Variants in PRKN observed in about 807,000 individuals in gnomAD.
PRKN encodes the protein E3 ubiquitin-protein ligase parkin.
In PRKN, 56 loss-of-function variants were observed where a neutral mutation model predicts 59.5. The observed-to-expected ratio is 0.94, with a 90% CI of 0.76 to 1.18. PRKN has a LOEUF of 1.18. Among genes scored for constraint, PRKN ranks in the 50% most tolerant of loss-of-function variants. PRKN has a pLI of 0.00. For synonymous variants in PRKN, 250 were observed against 222.1 expected (o/e 1.13, Z -1.12); for missense variants, 657 against 596.4 (o/e 1.10, Z -1.06).
At chr6:161,620,655 C>T (rs1782862815) in intron 7 of PRKN, among the ~76,000 whole-genome samples, 1 of 152,194 alleles carries the variant, frequency 6.6e-6, no homozygotes, top group African/African-American at 2.4e-5. Context: ...TACCTCTCAA[C>T]TTTAAGACTC....
At chr6:162,292,298 G>A (rs538779930) in intron 2 of PRKN, among the ~76,000 whole-genome samples, 37 of 152,188 alleles carry the variant, frequency 2.4e-4, no homozygotes, top group African/African-American at 8.7e-4. Flanking sequence ...GCACTGATCC[G>A]TCTTTCAAAG....
intron 3 of PRKN, among the ~76,000 whole-genome samples, chr6:162,230,728 T>C (rs1215601127): frequency 6.6e-6 from 1 of 152,206 alleles, no homozygotes; most frequent in South Asian, 2.1e-4. Flanking sequence ...TTTGCTGTCA[T>C]GCCAATGAAT....
intron 3 of PRKN, among the ~76,000 whole-genome samples, chr6:162,209,604 G>A (rs923887390): frequency 3.9e-5 from 6 of 152,074 alleles, no homozygotes; most frequent in African/African-American, 1.2e-4. Context: ...CCATTACTGG[G>A]TATATACACC....
Position 162,300,043 on chromosome 6 carries a change from T to C in PRKN, c.172-37278A>G, listed in dbSNP as rs538354833. On this transcript the variant is annotated intron_variant, in intron 2 of 11. Transcript: ENST00000366898. Reference sequence around the variant, plus strand: ...TTTTTTAATAATACAGAAATTTTCATACAAAAATGTACTGAACACGTGTAG... The same window carrying C: ...TTTTTTAATAATACAGAAATTTTCACACAAAAATGTACTGAACACGTGTAG... Among the ~76,000 whole-genome samples the C allele has an allele frequency of 7.9e-5, 12 of 152,134 alleles. 1 individual carries two copies. The highest frequency in any genetic ancestry group is 2.9e-4 in the African/African-American group (12 of 41,434).
At chr6:161,803,872 C>T (rs1791197343) in intron 6 of PRKN, among the ~76,000 whole-genome samples, 1 of 152,184 alleles carries the variant, frequency 6.6e-6, no homozygotes. Context: ...AAGTCCGAAC[C>T]CCCACCAAAG....
chr6:161,638,902 T>C (rs1408621483), intron 7 of PRKN, among the ~76,000 whole-genome samples: 2 of 151,826 alleles, frequency 1.3e-5, no homozygotes, highest in Non-Finnish European at 2.9e-5. Context: ...CCACCATACC[T>C]AGCTAATTTC....
chr6:162,057,863 T>C (rs2128286638), intron 4 of PRKN, among the ~76,000 whole-genome samples: 1 of 152,322 alleles, frequency 6.6e-6, no homozygotes, highest in Non-Finnish European at 1.5e-5. Context: ...ATACTAATAG[T>C]GTGAGTAGTG....
intron 1 of PRKN, among the ~76,000 whole-genome samples, chr6:162,466,153 T>C (rs1020483548): frequency 6.6e-5 from 10 of 152,198 alleles, no homozygotes; most frequent in Admixed American, 1.3e-4. Context: ...ACTACCTTTT[T>C]TGATGATGTG....
intron 5 of PRKN, among the ~76,000 whole-genome samples, chr6:161,989,800 C>CTT (rs1191465050): frequency 6.6e-6 from 1 of 152,122 alleles, no homozygotes; most frequent in Non-Finnish European, 1.5e-5. Flanking sequence ...TGCCCACATA[C>CTT]TTTGACTGTG....
rs78976042 is a variant in PRKN, at chr6:161,465,918, C to T, written c.1084-79041G>A. Among the ~76,000 whole-genome samples, 509 of 152,040 alleles carry T rather than the reference C, an allele frequency of 3.3e-3. 8 individuals carry two copies. In the East Asian group the frequency reaches 0.035, roughly 10 times the overall value. On this transcript the variant is annotated intron_variant, in intron 9 of 11. Transcript: ENST00000366898. ...ATTACTTTTTTTCACTTTGTGTTTC[C>T]TTTCTCTCCAGCTTTATTAGGTATA...
At chr6:162,290,285 T>C (rs1269956335) in intron 2 of PRKN, among the ~76,000 whole-genome samples, 1 of 152,186 alleles carries the variant, frequency 6.6e-6, no homozygotes, top group Non-Finnish European at 1.5e-5. Flanking sequence ...TAATATAAGA[T>C]ATCTGTTGTA....
chr6:162,215,276 G>A (rs1777592948), intron 3 of PRKN, among the ~76,000 whole-genome samples: 1 of 152,112 alleles, frequency 6.6e-6, no homozygotes, highest in South Asian at 2.1e-4. Context: ...GAATAAAAAC[G>A]GTAAATATTA....
At chr6:162,271,429 G>C (rs146675979) in intron 2 of PRKN, 8 of 151,970 alleles carry the variant, frequency 5.3e-5, no homozygotes, top group African/African-American at 1.9e-4. Flanking sequence ...TGTAATCCTG[G>C]CTACTTGAGA....
At chr6:161,641,222 C>T (rs1172603652) in intron 7 of PRKN, among the ~76,000 whole-genome samples, 1 of 152,212 alleles carries the variant, frequency 6.6e-6, no homozygotes, top group Non-Finnish European at 1.5e-5. Flanking sequence ...AAATTAGCTA[C>T]AAGGTTAGAA....
Position 161,360,020 on chromosome 6 carries a change from C to A in PRKN, c.1285+68G>T, listed in dbSNP as rs1337508983. On this transcript the variant is annotated intron_variant, in intron 11 of 11. Transcript: ENST00000366898. This position sits in a 1 kb window ranked among gnomAD's most constrained non-coding sequence, Gnocchi z 5.1. ...ACAGCATCTCCTTTAATCCTGGAATCCCTGATGGGTATGATTCTCCCCCAA... is the reference window on the plus strand; with the variant it reads ...ACAGCATCTCCTTTAATCCTGGAATACCTGATGGGTATGATTCTCCCCCAA... 4.3e-6 allele frequency: 5 copies of A among 1,173,676 alleles called. No homozygotes were observed. The highest frequency in any genetic ancestry group is 6.4e-6 in the Non-Finnish European group (5 of 778,666). 72.7% of individuals were successfully genotyped at this position (1,173,676 alleles called of 1,614,324 possible).
intron 7 of PRKN, among the ~76,000 whole-genome samples, chr6:161,713,468 A>G (rs900818254): frequency 6.6e-6 from 1 of 152,192 alleles, no homozygotes; most frequent in Non-Finnish European, 1.5e-5. Flanking sequence ...TAAATGCATT[A>G]GCATAAACAT....
intron 6 of PRKN, among the ~76,000 whole-genome samples, chr6:161,929,868 A>G (rs932194421): frequency 2.0e-5 from 3 of 152,210 alleles, no homozygotes; most frequent in African/African-American, 7.2e-5. Context: ...GAAGCCCAAG[A>G]ATAATGTCTG....
At chr6:161,926,530 T>C (rs1330092848) in intron 6 of PRKN, among the ~76,000 whole-genome samples, 1 of 152,090 alleles carries the variant, frequency 6.6e-6, no homozygotes, top group Non-Finnish European at 1.5e-5. Context: ...ATAAGGGAAA[T>C]GTGTGTTCAG....
chr6:162,438,726 T>C (rs1789901255), intron 2 of PRKN, among the ~76,000 whole-genome samples: 1 of 152,188 alleles, frequency 6.6e-6, no homozygotes, highest in Non-Finnish European at 1.5e-5. Context: ...AAATTTGTCT[T>C]TAGTTTTAAG....
Sources: allele counts gnomAD v4.1 joint callset (sites outside exome capture counted in the v4.1 genomes callset), GRCh38; gene constraint gnomAD v4.1.1; non-coding constraint Gnocchi (gnomAD v3.1); transcripts MANE v1.5; gene names NCBI Gene and HGNC (gene_info 2026-07-23, HGNC 2026-07-21).